The following CALN1 variants were observed in gnomAD, a reference collection of about 807,000 sequenced individuals.
CALN1 encodes calneuron 1.
CALN1 carries 17 observed loss-of-function variants against 30.6 expected under a neutral mutation model. That is an observed-to-expected ratio of 0.56 (90% CI 0.38 to 0.83). The LOEUF (loss-of-function observed/expected upper bound fraction) is 0.83, where lower values mean the gene tolerates loss of function less well. Ranked by LOEUF, CALN1 falls within the 40% of genes least tolerant of loss-of-function variation. The pLI is 0.00. For synonymous variants in CALN1, 156 were observed against 131.4 expected, an observed-to-expected ratio of 1.19 and a Z score of -1.28; for missense variants, 291 against 354.9, an observed-to-expected ratio of 0.82 and a Z score of 1.45.
intron 5 of CALN1, among the ~76,000 whole-genome samples, chr7:71,833,266 CTG>C (rs1789399580): frequency 6.6e-6 from 1 of 152,284 alleles, no homozygotes; most frequent in Non-Finnish European, 1.5e-5. Context: ...GTCCATGAGA[CTG>C]TGAATTCCTA....
At chr7:71,801,751 T>C (rs1141955) in intron 6 of CALN1, among the ~76,000 whole-genome samples, 14 of 151,722 alleles carry the variant, frequency 9.2e-5, no homozygotes, top group Non-Finnish European at 1.8e-4. Flanking sequence ...CTGAGGTGGG[T>C]GGATCACCTG....
chr7:71,806,063 T>C, intron 6 of CALN1, among the ~76,000 whole-genome samples: 1 of 152,038 alleles, frequency 6.6e-6, no homozygotes, highest in Non-Finnish European at 1.5e-5. Context: ...GGGTGGGGGA[T>C]GGAGAGGAGA....
chr7:72,004,803 C>T (rs927635530), intron 5 of CALN1, among the ~76,000 whole-genome samples: 3 of 151,960 alleles, frequency 2.0e-5, no homozygotes, highest in African/African-American at 4.8e-5. Flanking sequence ...AAGAGCAAAA[C>T]AAAACAAAAC....
rs1439663976 is a variant in CALN1, at chr7:71,782,773, T to A, written c.*5002A>T. The A allele has an allele frequency of 6.6e-6, 1 of 152,154 alleles. No homozygotes were observed. The highest frequency in any genetic ancestry group is 1.5e-5 in the Non-Finnish European group (1 of 68,038). The allele number at this position is 152,154 out of a possible 1,614,324, so 9.4% of individuals were successfully genotyped here. A position where few individuals can be genotyped will look rare whatever the true frequency, so the allele number is the denominator to read the frequency against. On this transcript the variant is annotated 3_prime_UTR_variant, in exon 7 of 7. Transcript: ENST00000395275. ...AAAATTATTTTTTGAGATGAAGTTTTGCTCTGTTGCCCAGGCTGGAGTGCA... is the reference window on the plus strand; with the variant it reads ...AAAATTATTTTTTGAGATGAAGTTTAGCTCTGTTGCCCAGGCTGGAGTGCA...
At chr7:72,447,306 T>C (rs1431909054), upstream of CALN1, among the ~76,000 whole-genome samples, 5 of 152,086 alleles carry the variant, frequency 3.3e-5, no homozygotes, top group Admixed American at 3.3e-4. Context: ...TGGGAAAGCT[T>C]CCTGCAGCCC....
the CALN1 span, among the ~76,000 whole-genome samples, chr7:72,503,431 C>A: frequency 2.0e-5 from 3 of 152,054 alleles, no homozygotes; most frequent in African/African-American, 4.8e-5. Context: ...CCAGTTGCTT[C>A]TCATAGGATT....
intron 3 of CALN1, among the ~76,000 whole-genome samples, chr7:72,130,114 T>C (rs1288024917): frequency 6.6e-6 from 1 of 152,148 alleles, no homozygotes; most frequent in Admixed American, 6.5e-5. Flanking sequence ...TTTGCACACA[T>C]CCGCTCCCCT....
chr7:71,851,091 C>T (rs1790610677), intron 5 of CALN1, among the ~76,000 whole-genome samples: 1 of 151,976 alleles, frequency 6.6e-6, no homozygotes, highest in Admixed American at 6.6e-5. Context: ...TGGTGCACAC[C>T]TGTAGTCCTA....
chr7:72,330,306 A>G (rs1007789191), intron 2 of CALN1, among the ~76,000 whole-genome samples: 1 of 151,966 alleles, frequency 6.6e-6, no homozygotes, highest in African/African-American at 2.4e-5. Flanking sequence ...AAATAAGAAT[A>G]ATGACACAAA....
At chr7:72,109,300 G>A (rs978919842) in intron 3 of CALN1, among the ~76,000 whole-genome samples, 1 of 152,272 alleles carries the variant, frequency 6.6e-6, no homozygotes, top group Non-Finnish European at 1.5e-5. Context: ...TAGGTCCACG[G>A]CCAAACCCTG....
chr7:72,480,891 A>G, the CALN1 span, among the ~76,000 whole-genome samples: 12 of 151,950 alleles, frequency 7.9e-5, no homozygotes, highest in South Asian at 2.1e-4. Context: ...CACCTCTCTC[A>G]TTCCTGATAG....
At chr7:72,317,241 G>A (rs1437511376) in intron 2 of CALN1, among the ~76,000 whole-genome samples, 2 of 134,838 alleles carry the variant, frequency 1.5e-5, no homozygotes, top group African/African-American at 5.6e-5. Context: ...AGAGAAGGAA[G>A]GAAGGAGAGA....
chr7:72,217,213 G>A (rs972303753), intron 3 of CALN1, among the ~76,000 whole-genome samples: 3 of 152,080 alleles, frequency 2.0e-5, no homozygotes, highest in Admixed American at 6.6e-5. Context: ...GCTGTAGGAC[G>A]TGGCTAAATG....
At chr7:72,096,340 C>A (rs1806231859) in intron 4 of CALN1, among the ~76,000 whole-genome samples, 1 of 152,144 alleles carries the variant, frequency 6.6e-6, no homozygotes, top group South Asian at 2.1e-4. Flanking sequence ...GGAAAAACTC[C>A]TCATCATCTC....
chr7:72,222,336 C>A (rs566430548), intron 3 of CALN1, among the ~76,000 whole-genome samples: 246 of 152,244 alleles, frequency 1.6e-3, no homozygotes, highest in Admixed American at 2.7e-3. Context: ...TGGCTTCTGG[C>A]CAGGCCTCAG....
intron 3 of CALN1, among the ~76,000 whole-genome samples, chr7:72,108,565 T>C (rs140852363): frequency 6.6e-6 from 1 of 152,362 alleles, no homozygotes; most frequent in Non-Finnish European, 1.5e-5. Flanking sequence ...ATTCTGGGAA[T>C]GCCTCCCAAA....
intron 1 of CALN1, among the ~76,000 whole-genome samples, chr7:72,433,751 CT>C (rs1215388264): frequency 2.0e-5 from 3 of 152,152 alleles, no homozygotes; most frequent in African/African-American, 7.2e-5. Flanking sequence ...AAAGATAGGT[CT>C]TATGGGCTCT....
intron 4 of CALN1, among the ~76,000 whole-genome samples, chr7:72,096,042 A>AAGACAGAT (rs373832583): frequency 1.4e-5 from 2 of 143,078 alleles, no homozygotes; most frequent in Admixed American, 1.4e-4. Flanking sequence ...TTGTCTCTAA[A>AAGACAGAT]AGATAGATAG....
chr7:72,404,005 G>A (rs1352824164), intron 1 of CALN1, among the ~76,000 whole-genome samples: 1 of 151,968 alleles, frequency 6.6e-6, no homozygotes, highest in Non-Finnish European at 1.5e-5. Flanking sequence ...CCAGCTCCAG[G>A]GCAGACCTGC....
Sources: allele counts gnomAD v4.1 joint callset (sites outside exome capture counted in the v4.1 genomes callset), GRCh38; gene constraint gnomAD v4.1.1; transcripts MANE v1.5; gene names NCBI Gene and HGNC (gene_info 2026-07-23, HGNC 2026-07-21).